Variants in AFF3 observed in about 807,000 individuals in gnomAD.
AFF3 encodes ALF transcription elongation factor 3.
A neutral mutation model predicts 129.7 loss-of-function variants in AFF3; 32 were observed. That is an observed-to-expected ratio of 0.25 (90% CI 0.19 to 0.33). The LOEUF is 0.33. AFF3 is among the 10% of genes least tolerant of loss of function. AFF3 has a pLI of 1.00. For missense variants in AFF3, 1,373 were observed against 1,592.0 expected, an observed-to-expected ratio of 0.86 and a Z score of 2.34; for synonymous variants, 644 against 635.4, an observed-to-expected ratio of 1.01 and a Z score of -0.20.
At chr2:99,682,169 A>G (rs1211513420) in intron 11 of AFF3, among the ~76,000 whole-genome samples, 1 of 152,084 alleles carries the variant, frequency 6.6e-6, no homozygotes, top group African/African-American at 2.4e-5. Flanking sequence ...GGCCTCCCAA[A>G]GTGCTGGGAT....
At chr2:99,658,344 T>G (rs927421596) in intron 12 of AFF3, among the ~76,000 whole-genome samples, 2 of 151,974 alleles carry the variant, frequency 1.3e-5, no homozygotes, top group Non-Finnish European at 2.9e-5. Context: ...GAGGTCACTC[T>G]GAAGTGGGAG....
intron 13 of AFF3, among the ~76,000 whole-genome samples, chr2:99,646,363 G>A (rs545243376): frequency 1.3e-5 from 2 of 152,142 alleles, no homozygotes; most frequent in African/African-American, 4.8e-5. Context: ...GAGCCAGTAC[G>A]GGCTTTTCTG....
In AFF3 at chr2:99,548,554, T is replaced by G. The variant is rs921308184; in HGVS notation, c.*2920A>C. 3 of 195,932 alleles carry G rather than the reference T, an allele frequency of 1.5e-5. No homozygotes were observed. Among genetic ancestry groups the G allele is most frequent in the East Asian group, 1.6e-4 (2 of 12,474 alleles). The allele number at this position is 195,932 out of a possible 1,614,324, so 12.1% of individuals were successfully genotyped here. A position where few individuals can be genotyped will look rare whatever the true frequency, so the allele number is the denominator to read the frequency against. The stretch of plus-strand genomic sequence containing the variant: ...GAGTTTGAGACCAGCCTGGGCAACA[T>G]AGTGAGACCCCCATCTCTACAAAAA... On this transcript the variant is annotated 3_prime_UTR_variant, in exon 25 of 25. Coordinates refer to ENST00000672756, the MANE Select transcript of AFF3 (RefSeq NM_001386135.1).
chr2:99,697,217 C>T (rs972147332), intron 11 of AFF3, among the ~76,000 whole-genome samples: 3 of 152,208 alleles, frequency 2.0e-5, no homozygotes, highest in African/African-American at 7.2e-5. Context: ...ATTCAGTTTC[C>T]TGCAGCTTTG....
At chr2:100,135,484 C>T (rs903579228) in intron 1 of AFF3, among the ~76,000 whole-genome samples, 16 of 152,064 alleles carry the variant, frequency 1.1e-4, no homozygotes, top group African/African-American at 3.9e-4. Context: ...CTGTGAGAAG[C>T]CCAAGGCACA....
chr2:99,930,410 C>G (rs923694033), intron 7 of AFF3, among the ~76,000 whole-genome samples: 1 of 152,216 alleles, frequency 6.6e-6, no homozygotes, highest in Admixed American at 6.5e-5. Context: ...CAGACAGAAC[C>G]CTGACACCAG....
At chr2:99,846,104 T>C (rs1362440643) in intron 7 of AFF3, among the ~76,000 whole-genome samples, 1 of 151,854 alleles carries the variant, frequency 6.6e-6, no homozygotes, top group Admixed American at 6.6e-5. Context: ...AGTGCTGGGA[T>C]TACAGGCGTG....
chr2:99,710,975 C>T lies in AFF3; in HGVS notation c.1091+16102G>A, dbSNP rs554211604. On this transcript the variant is annotated intron_variant, in intron 11 of 24. Coordinates refer to ENST00000672756, the MANE Select transcript of AFF3 (RefSeq NM_001386135.1). ...ATGTCAGATGAATCCCAGACTGCAG[C>T]CCCTGCGGTTTCCAAGGCCCCCATC... is the stretch of plus-strand genomic sequence containing the variant. Among the ~76,000 whole-genome samples the T allele has an allele frequency of 4.6e-5, 7 of 152,246 alleles. 1 individual carries two copies. The South Asian group carries it at 1.5e-3, about 32-fold the overall frequency.
intron 8 of AFF3, among the ~76,000 whole-genome samples, chr2:99,826,910 G>A (rs918147669): frequency 4.6e-5 from 7 of 152,132 alleles, no homozygotes; most frequent in African/African-American, 1.7e-4. Flanking sequence ...GAAAAGGATG[G>A]TGGATGAACA....
intron 7 of AFF3, among the ~76,000 whole-genome samples, chr2:100,005,709 A>C (rs1021955269): frequency 6.6e-6 from 1 of 152,250 alleles, no homozygotes; most frequent in Admixed American, 6.5e-5. Context: ...AGTCTTTTCT[A>C]AACGGTGATA....
chr2:99,797,830 G>A (rs958482523), intron 8 of AFF3, among the ~76,000 whole-genome samples: 8 of 151,946 alleles, frequency 5.3e-5, no homozygotes, highest in African/African-American at 1.9e-4. Context: ...CAAAAACTAA[G>A]GTAAAATACA....
intron 4 of AFF3, among the ~76,000 whole-genome samples, chr2:100,050,181 G>A (rs964774572): frequency 6.6e-6 from 1 of 151,824 alleles, no homozygotes; most frequent in African/African-American, 2.4e-5. Flanking sequence ...CTGGGTGACA[G>A]AGCAAGACTT....
chr2:100,048,984 C>G (rs1686064289), intron 4 of AFF3, among the ~76,000 whole-genome samples: 1 of 152,126 alleles, frequency 6.6e-6, no homozygotes, highest in East Asian at 1.9e-4. Context: ...GAAGTCATTT[C>G]TCTGGCTTCC....
intron 16 of AFF3, among the ~76,000 whole-genome samples, chr2:99,586,327 C>G (rs910933421): frequency 6.6e-6 from 1 of 152,174 alleles, no homozygotes; most frequent in Non-Finnish European, 1.5e-5. Flanking sequence ...AAGGTGATTC[C>G]GGCGCTGCAG....
At chr2:99,818,483 C>T (rs1299112421) in intron 8 of AFF3, among the ~76,000 whole-genome samples, 2 of 152,128 alleles carry the variant, frequency 1.3e-5, no homozygotes, top group East Asian at 1.9e-4. Flanking sequence ...TTTGTTTAAA[C>T]GTCTATGTAA....
intron 7 of AFF3, among the ~76,000 whole-genome samples, chr2:99,879,796 T>C (rs1438676336): frequency 6.6e-6 from 1 of 152,206 alleles, no homozygotes; most frequent in Non-Finnish European, 1.5e-5. Context: ...CTTTCTTGAG[T>C]ATTTTATGTC....
intron 7 of AFF3, among the ~76,000 whole-genome samples, chr2:99,955,895 T>C (rs1007031786): frequency 6.6e-6 from 1 of 152,180 alleles, no homozygotes; most frequent in African/African-American, 2.4e-5. Flanking sequence ...ATAGAGGCAG[T>C]TGTAAACATA....
chr2:99,990,273 T>A (rs1186272606), intron 7 of AFF3, among the ~76,000 whole-genome samples: 1 of 152,226 alleles, frequency 6.6e-6, no homozygotes, highest in Admixed American at 6.5e-5. Flanking sequence ...TATACATACT[T>A]ACAATCCTGC....
intron 11 of AFF3, among the ~76,000 whole-genome samples, chr2:99,689,071 T>C (rs2104634779): frequency 6.6e-6 from 1 of 152,296 alleles, no homozygotes; most frequent in South Asian, 2.1e-4. Flanking sequence ...GTGTCCATCT[T>C]ATTTCTCAAG....
Sources: allele counts gnomAD v4.1 joint callset (sites outside exome capture counted in the v4.1 genomes callset), GRCh38; gene constraint gnomAD v4.1.1; transcripts MANE v1.5; gene names NCBI Gene and HGNC (gene_info 2026-07-23, HGNC 2026-07-21).